EYA4: variants seen among roughly 807,000 people sequenced by gnomAD.
The protein encoded by EYA4 is EYA transcriptional coactivator and phosphatase 4.
In EYA4, 31 loss-of-function variants were observed where a neutral mutation model predicts 87.9. That is an observed-to-expected ratio of 0.35 (90% CI 0.27 to 0.48). The LOEUF is 0.48. Among genes scored for constraint, EYA4 ranks in the 20% least tolerant of loss-of-function variants. EYA4 has a pLI of 0.99. For synonymous variants in EYA4, 263 were observed against 270.6 expected (o/e 0.97, Z 0.28); for missense variants, 678 against 761.4 (o/e 0.89, Z 1.29).
intron 2 of EYA4, among the ~76,000 whole-genome samples, chr6:133,329,130 CAATT>C (rs2128377493): frequency 6.6e-6 from 1 of 152,168 alleles, no homozygotes; most frequent in East Asian, 1.9e-4. Flanking sequence ...GTGTCAACAA[CAATT>C]AATTCTAGTA....
At chr6:133,430,962 G>T (rs907301450) in intron 3 of EYA4, among the ~76,000 whole-genome samples, 1 of 152,192 alleles carries the variant, frequency 6.6e-6, no homozygotes, top group African/African-American at 2.4e-5. Flanking sequence ...AGAGCAGGAA[G>T]GGAATCTCTG....
intron 2 of EYA4, among the ~76,000 whole-genome samples, chr6:133,370,982 GTGGAAGGCTT>G (rs1391292011): frequency 6.6e-6 from 1 of 152,138 alleles, no homozygotes; most frequent in Non-Finnish European, 1.5e-5. Context: ...AAACCTTGAT[GTGGAAGGCTT>G]TGGTATGCTT....
At chr6:133,274,074 T>G (rs1776964115) in intron 1 of EYA4, among the ~76,000 whole-genome samples, 1 of 152,184 alleles carries the variant, frequency 6.6e-6, no homozygotes, top group South Asian at 2.1e-4. Flanking sequence ...TTTAATTCAT[T>G]TGAAAATATT....
chr6:133,413,958 G>A (rs1463476823), intron 3 of EYA4, among the ~76,000 whole-genome samples: 5 of 152,028 alleles, frequency 3.3e-5, no homozygotes, highest in Non-Finnish European at 5.9e-5. Flanking sequence ...CTCTCTCCTC[G>A]TATTTAATCA....
intron 2 of EYA4, among the ~76,000 whole-genome samples, chr6:133,278,073 C>A (rs1039791780): frequency 3.9e-5 from 6 of 152,034 alleles, no homozygotes; most frequent in Admixed American, 1.3e-4. Context: ...TGTCATCAAG[C>A]ATACAGAGCT....
chr6:133,512,529 G>A (rs1235796754), intron 14 of EYA4, among the ~76,000 whole-genome samples, 192 bp from the exon 15 acceptor site: 1 of 152,076 alleles, frequency 6.6e-6, no homozygotes, highest in African/African-American at 2.4e-5. Flanking sequence ...GAACTCTTCT[G>A]GATTTAAATT....
At chr6:133,340,715 T>C (rs1188418474) in intron 2 of EYA4, among the ~76,000 whole-genome samples, 1 of 152,074 alleles carries the variant, frequency 6.6e-6, no homozygotes, top group Non-Finnish European at 1.5e-5. Flanking sequence ...GAGGGAGTGG[T>C]GAAGTTTTTG....
intron 2 of EYA4, among the ~76,000 whole-genome samples, chr6:133,333,510 A>T (rs2128389643): frequency 6.6e-6 from 1 of 152,318 alleles, no homozygotes. Context: ...ATCAATCAAT[A>T]GTTGCCTATT....
At chr6:133,488,740 T>G (rs1422100735) in intron 13 of EYA4, among the ~76,000 whole-genome samples, 1 of 152,134 alleles carries the variant, frequency 6.6e-6, no homozygotes, top group Admixed American at 6.5e-5. Flanking sequence ...GACCAAAAAC[T>G]TAGATCACAA....
At chr6:133,381,577 A>G (rs1786225892) in intron 2 of EYA4, among the ~76,000 whole-genome samples, 1 of 152,168 alleles carries the variant, frequency 6.6e-6, no homozygotes, top group Non-Finnish European at 1.5e-5. Flanking sequence ...TTATTGAAAT[A>G]TGAACACCCA....
intron 3 of EYA4, among the ~76,000 whole-genome samples, chr6:133,385,391 CTG>C (rs66881281): frequency 0.051 from 5,853 of 115,192 alleles, 226 homozygotes; most frequent in African/African-American, 0.12. Flanking sequence ...TATGCTCTCT[CTG>C]TGTGTGTGTG....
chr6:133,423,066 C>T (rs1191781743), intron 3 of EYA4, among the ~76,000 whole-genome samples: 5 of 151,844 alleles, frequency 3.3e-5, no homozygotes, highest in Admixed American at 6.6e-5. Context: ...TAGATATGGG[C>T]GATGGGGAAC....
At chr6:133,259,912 A>G (rs528849997) in intron 1 of EYA4, among the ~76,000 whole-genome samples, 2 of 152,284 alleles carry the variant, frequency 1.3e-5, no homozygotes, top group South Asian at 4.1e-4. Context: ...TTTTATGGGG[A>G]TGGGCACACA....
intron 2 of EYA4, among the ~76,000 whole-genome samples, chr6:133,350,472 A>G (rs988926193): frequency 6.6e-6 from 1 of 152,116 alleles, no homozygotes; most frequent in Non-Finnish European, 1.5e-5. Context: ...AGCACAGACC[A>G]GTTGGCAAGA....
chr6:133,348,676 C>T (rs766831485), intron 2 of EYA4, among the ~76,000 whole-genome samples: 1 of 152,088 alleles, frequency 6.6e-6, no homozygotes, highest in African/African-American at 2.4e-5. Context: ...AGACCTCTTC[C>T]CTGATCTGTA....
intron 3 of EYA4, among the ~76,000 whole-genome samples, chr6:133,391,236 T>TTTTTTTA: frequency 6.6e-6 from 1 of 150,926 alleles, no homozygotes; most frequent in East Asian, 1.9e-4. Flanking sequence ...TTTTTTTTTT[T>TTTTTTTA]TTGAGATGGA....
chr6:133,361,484 G>A (rs1019570245), intron 2 of EYA4, among the ~76,000 whole-genome samples: 1 of 152,166 alleles, frequency 6.6e-6, no homozygotes, highest in Non-Finnish European at 1.5e-5. Context: ...TCTCATTATT[G>A]TGAGTAATAA....
In EYA4 at chr6:133,462,738, A is replaced by G. The variant is rs776882909; in HGVS notation, c.698A>G (p.Gln233Arg). 3.1e-6 allele frequency: 5 copies of G among 1,613,838 alleles called. No individual in the cohort carries two copies. In the East Asian group the frequency reaches 1.1e-4, roughly 36 times the overall value. The change falls in exon 9 of 20, where the codon CAG becomes CGG. Residue 233 changes from glutamine to arginine, a missense_variant. Transcript: ENST00000355286. The stretch of plus-strand genomic sequence containing the variant: ...GGGTTCTCTACCCCACAGCCAGGCC[A>G]GACACCTTATTCTTACCAAATGCCA... Reference protein sequence around the residue: ...SPGFSTPQPGQTPYSYQMPGS... With the variant: ...SPGFSTPQPGRTPYSYQMPGS...
At chr6:133,452,470 C>T (rs940315252) in intron 5 of EYA4, among the ~76,000 whole-genome samples, 3 of 151,900 alleles carry the variant, frequency 2.0e-5, no homozygotes, top group Non-Finnish European at 4.4e-5. Context: ...AGTAATTAAT[C>T]GACATTAATG....
Sources: allele counts gnomAD v4.1 joint callset (sites outside exome capture counted in the v4.1 genomes callset), GRCh38; gene constraint gnomAD v4.1.1; transcripts MANE v1.5; gene names NCBI Gene and HGNC (gene_info 2026-07-23, HGNC 2026-07-21).